RABGAP1L: variants seen among roughly 807,000 people sequenced by gnomAD.
RABGAP1L encodes the protein RAB GTPase activating protein 1 like.
In RABGAP1L, 63 loss-of-function variants were observed where a neutral mutation model predicts 137.7. The observed-to-expected ratio is 0.46, with a 90% CI of 0.37 to 0.56. The LOEUF (loss-of-function observed/expected upper bound fraction) is 0.56. Ranked by LOEUF, RABGAP1L falls within the 20% of genes least tolerant of loss-of-function variation. The probability of loss-of-function intolerance (pLI) is 0.00; values close to 1 mark genes in which losing one functional copy is unlikely to be tolerated. For synonymous variants in RABGAP1L, 431 were observed against 433.7 expected (o/e 0.99, Z 0.08); for missense variants, 1,095 against 1,244.0 (o/e 0.88, Z 1.80).
chr1:174,866,315 A>G (rs80022554), intron 19 of RABGAP1L, among the ~76,000 whole-genome samples: 6,607 of 152,304 alleles, frequency 0.043, 225 homozygotes, highest in Non-Finnish European at 0.071. Flanking sequence ...CAAATGAATG[A>G]AATTAGAATG....
rs111500876 is a variant in RABGAP1L at position 174,766,073 on chromosome 1, T to C, written c.2211+13719T>C. 5.3e-3 allele frequency among the ~76,000 whole-genome samples: 800 copies of C among 152,262 alleles called. 10 individuals are homozygous for C. The highest frequency in any genetic ancestry group is 0.018 in the African/African-American group (756 of 41,540). On this transcript the variant is annotated intron_variant, in intron 18 of 25. Coordinates refer to ENST00000681986, the MANE Select transcript of RABGAP1L (RefSeq NM_001366446.1). ...GGGCCCTAGTCCAATATAACTAGTA[T>C]CCTTAAGAGGACATTGGGACACAGA...
At chr1:174,483,594 C>A (rs920664521) in intron 13 of RABGAP1L, among the ~76,000 whole-genome samples, 2 of 152,098 alleles carry the variant, frequency 1.3e-5, no homozygotes, top group East Asian at 3.8e-4. Flanking sequence ...GTAATCCCAG[C>A]ACTTTGGGAG....
Position 174,482,579 on chromosome 1 carries a change from C to T in RABGAP1L, c.1710+88434C>T, listed in dbSNP as rs372679900. Among the ~76,000 whole-genome samples, 23 of 152,302 alleles carry T rather than the reference C, an allele frequency of 1.5e-4. No individual in the cohort carries two copies. The East Asian group carries it at 4.1e-3, about 27-fold the overall frequency. ...AATCTGGGCTCACTGCAGCCTCTAC[C>T]TCCTGGCTCAAGAAATGCTCCTGCC... is the stretch of plus-strand genomic sequence containing the variant. On this transcript the variant is annotated intron_variant, in intron 13 of 25. Coordinates refer to ENST00000681986, the MANE Select transcript of RABGAP1L (RefSeq NM_001366446.1).
chr1:174,345,937 T>TTATCA (rs1682387023), intron 11 of RABGAP1L, among the ~76,000 whole-genome samples: 1 of 152,140 alleles, frequency 6.6e-6, no homozygotes, highest in Non-Finnish European at 1.5e-5. Flanking sequence ...CAGTTTTTTT[T>TTATCA]TGAGGGGTTT....
At chr1:174,402,193 C>T (rs1648680927) in intron 13 of RABGAP1L, among the ~76,000 whole-genome samples, 1 of 152,052 alleles carries the variant, frequency 6.6e-6, no homozygotes, top group African/African-American at 2.4e-5. Flanking sequence ...CCATTTTTAC[C>T]ATCAAGAAAA....
At chr1:174,532,400 G>T (rs1428784799) in intron 13 of RABGAP1L, among the ~76,000 whole-genome samples, 1 of 151,782 alleles carries the variant, frequency 6.6e-6, no homozygotes. Flanking sequence ...GTAGAGACAG[G>T]GTTTCACCAT....
chr1:174,939,011 TCTTTC>T lies in RABGAP1L; in HGVS notation c.2341-18441_2341-18437del, dbSNP rs1484742920. The stretch of plus-strand genomic sequence containing the variant: ...CACACAAAATAAGCTAATCTTAGGG[TCTTTC>T]CTTTACTTGTGTTTGGCCAAGCCTA... On this transcript the variant is annotated intron_variant, in intron 19 of 25. Transcript: ENST00000681986. Among the ~76,000 whole-genome samples the T allele has an allele frequency of 5.3e-5, 8 of 152,148 alleles. No homozygotes were observed. In the East Asian group the frequency reaches 9.6e-4, roughly 18 times the overall value.
At chr1:174,317,222 C>T (rs1679462045) in intron 11 of RABGAP1L, among the ~76,000 whole-genome samples, 1 of 151,846 alleles carries the variant, frequency 6.6e-6, no homozygotes, top group Admixed American at 6.6e-5. Flanking sequence ...GGAGTTTTTT[C>T]CCATAGCCAC....
At chr1:174,799,970 A>G in intron 18 of RABGAP1L, 1 of 647,370 alleles carries the variant, frequency 1.5e-6, no homozygotes, top group Non-Finnish European at 1.9e-6. Context: ...ACACACACAC[A>G]CACACACACT....
chr1:174,269,571 G>C (rs1476262538), intron 7 of RABGAP1L, among the ~76,000 whole-genome samples: 1 of 152,082 alleles, frequency 6.6e-6, no homozygotes, highest in African/African-American at 2.4e-5. Flanking sequence ...CAGTATAGTA[G>C]AGCCTGGCTT....
chr1:174,583,911 T>C (rs1668925648), intron 13 of RABGAP1L, among the ~76,000 whole-genome samples: 2 of 152,186 alleles, frequency 1.3e-5, no homozygotes, highest in African/African-American at 4.8e-5. Flanking sequence ...GGTGGGTTAG[T>C]AGGGGAAATG....
chr1:174,429,752 T>A (rs565826727), intron 13 of RABGAP1L, among the ~76,000 whole-genome samples: 5,247 of 148,754 alleles, frequency 0.035, 123 homozygotes, highest in Middle Eastern at 0.091. Context: ...AAAAAAAAAA[T>A]AAAAATAAAA....
intron 1 of RABGAP1L, among the ~76,000 whole-genome samples, chr1:174,216,459 A>C (rs1669324898): frequency 1.3e-5 from 2 of 152,230 alleles, no homozygotes; most frequent in South Asian, 4.2e-4. Context: ...AGGAGTAAAA[A>C]AGTAATTTTT....
intron 15 of RABGAP1L, 71 bp downstream of exon 15, chr1:174,683,667 T>C: frequency 8.4e-7 from 1 of 1,192,400 alleles, no homozygotes. Context: ...GGCTTTGTTC[T>C]TCCTTCTTAT....
chr1:174,542,320 C>T (rs185563873), intron 13 of RABGAP1L, among the ~76,000 whole-genome samples: 7 of 151,984 alleles, frequency 4.6e-5, no homozygotes, highest in South Asian at 2.1e-4. Flanking sequence ...GTTTAGTCTT[C>T]GGAGGGTGTA....
rs571192254 is a variant in RABGAP1L at position 174,465,749 on chromosome 1, C to G, written c.1710+71604C>G. Among the ~76,000 whole-genome samples, 5 of 152,142 alleles carry G rather than the reference C, an allele frequency of 3.3e-5. No homozygotes were observed. In the East Asian group the frequency reaches 9.6e-4, roughly 29 times the overall value. Reference sequence around the variant, plus strand: ...CAGCTTCTCCATGAACTTTGGTTTACAAATATCTCATCATTTTGGTTGCCT... The same window carrying G: ...CAGCTTCTCCATGAACTTTGGTTTAGAAATATCTCATCATTTTGGTTGCCT... On this transcript the variant is annotated intron_variant, in intron 13 of 25. Coordinates refer to ENST00000681986, the MANE Select transcript of RABGAP1L (RefSeq NM_001366446.1).
intron 13 of RABGAP1L, among the ~76,000 whole-genome samples, chr1:174,433,656 G>C (rs1652904072): frequency 6.6e-6 from 1 of 152,136 alleles, no homozygotes; most frequent in Non-Finnish European, 1.5e-5. Flanking sequence ...CCATGAGTCA[G>C]ATATACTGAT....
intron 15 of RABGAP1L, among the ~76,000 whole-genome samples, chr1:174,698,493 A>G (rs527798216): frequency 6.6e-6 from 1 of 152,286 alleles, no homozygotes; most frequent in African/African-American, 2.4e-5. Flanking sequence ...TTCACCCAGC[A>G]TTCCCCCTTT....
intron 18 of RABGAP1L, among the ~76,000 whole-genome samples, chr1:174,753,490 A>C (rs1166910183): frequency 1.3e-5 from 2 of 152,158 alleles, no homozygotes; most frequent in Non-Finnish European, 2.9e-5. Context: ...TCCTTTACAC[A>C]TTTGCTCTTT....
Sources: gnomAD v4.1 joint callset for allele counts (sites outside exome capture counted in the v4.1 genomes callset) on GRCh38, gnomAD v4.1.1 for gene constraint, MANE v1.5 for transcripts, NCBI Gene and HGNC (gene_info 2026-07-23, HGNC 2026-07-21) for gene names.